MMP26: variants seen among roughly 807,000 people sequenced by gnomAD.
MMP26 encodes matrix metalloproteinase-26.
In MMP26, 33 loss-of-function variants were observed where a neutral mutation model predicts 31.0. That is an observed-to-expected ratio of 1.06 (90% CI 0.81 to 1.42). The LOEUF (loss-of-function observed/expected upper bound fraction) is 1.42. Ranked by LOEUF, MMP26 falls within the 40% of genes most tolerant of loss-of-function variation. MMP26 has a pLI of 0.00. For synonymous variants in MMP26, 122 were observed against 114.9 expected (o/e 1.06, Z -0.40); for missense variants, 347 against 316.1 (o/e 1.10, Z -0.74).
rs192107022 is a variant in MMP26, at chr11:4,977,291, A to T, written c.-144-10777A>T. Among the ~76,000 whole-genome samples, 23 of 152,284 alleles carry T rather than the reference A, an allele frequency of 1.5e-4. No homozygotes were observed. The East Asian group carries it at 4.1e-3, about 27-fold the overall frequency. Reference sequence around the variant, plus strand: ...AAAAGGAAATGGAACTAGTGGAAAGAGAAATTAAATTCCATTCAATTGTTA... The same window carrying T: ...AAAAGGAAATGGAACTAGTGGAAAGTGAAATTAAATTCCATTCAATTGTTA... On this transcript the variant is annotated intron_variant, in intron 2 of 7. Coordinates refer to ENST00000380390, the MANE Select transcript of MMP26 (RefSeq NM_021801.5).
At chr11:4,909,158 C>T (rs1339779186) in intron 2 of MMP26, 1 of 151,996 alleles carries the variant, frequency 6.6e-6, no homozygotes, top group Non-Finnish European at 1.5e-5. Flanking sequence ...AAATCAGCCC[C>T]TCTAATATGT....
chr11:4,705,277 G>GA (rs56694198), intron 1 of MMP26, among the ~76,000 whole-genome samples: 66 of 151,494 alleles, frequency 4.4e-4, no homozygotes, highest in African/African-American at 1.4e-3. Context: ...AGTAAAAAAA[G>GA]AAAAAAAAAT....
At chr11:4,773,687 A>C (rs1390594854) in intron 2 of MMP26, among the ~76,000 whole-genome samples, 2 of 151,432 alleles carry the variant, frequency 1.3e-5, no homozygotes, top group African/African-American at 4.9e-5. Flanking sequence ...TTTGTTACAC[A>C]GGTAAACATG....
chr11:4,821,748 T>C (rs1007132321), intron 2 of MMP26: 1 of 1,614,046 alleles, frequency 6.2e-7, no homozygotes, highest in Non-Finnish European at 8.5e-7. Context: ...TACACGGATT[T>C]ACTTTCATGG....
chr11:4,736,023 C>T (rs1284100658), intron 1 of MMP26, among the ~76,000 whole-genome samples: 2 of 152,096 alleles, frequency 1.3e-5, no homozygotes, highest in South Asian at 2.1e-4. Context: ...TAAATTTCCA[C>T]CAAACTGCAT....
chr11:4,802,945 A>G (rs2133453324), intron 2 of MMP26, among the ~76,000 whole-genome samples: 1 of 152,266 alleles, frequency 6.6e-6, no homozygotes, highest in South Asian at 2.1e-4. Context: ...ATCATTTTAT[A>G]TTTTGTTTTT....
chr11:4,879,549 C>T (rs1850429569), intron 2 of MMP26, among the ~76,000 whole-genome samples: 1 of 152,074 alleles, frequency 6.6e-6, no homozygotes, highest in African/African-American at 2.4e-5. Context: ...ATTTCTGCAA[C>T]TTGCTAACTT....
intron 1 of MMP26, among the ~76,000 whole-genome samples, chr11:4,729,718 C>T (rs1257205102): frequency 2.0e-5 from 3 of 151,072 alleles, no homozygotes; most frequent in Non-Finnish European, 4.4e-5. Context: ...TTTAACCTAA[C>T]AGGTGTGAGC....
intron 2 of MMP26, among the ~76,000 whole-genome samples, chr11:4,926,376 C>T (rs1286577141): frequency 2.0e-5 from 3 of 151,966 alleles, no homozygotes; most frequent in African/African-American, 4.8e-5. Flanking sequence ...GTGATGCAAG[C>T]CCTTATGGGA....
rs539312928 is a variant in MMP26, at chr11:4,954,061, A to T, written c.-144-34007A>T. On this transcript the variant is annotated intron_variant, in intron 2 of 7. Transcript: ENST00000380390. ...AGAGCAAGATTTCGTCTCAAAAAAA[A>T]TTTCTTTATTGATTTAATTGTATTT... Among the ~76,000 whole-genome samples the T allele has an allele frequency of 8.7e-5, 11 of 125,948 alleles. 3 individuals are homozygous for T. The highest frequency in any genetic ancestry group is 8.1e-3 in the Middle Eastern group (2 of 248). 82.6% of individuals were successfully genotyped at this position (125,948 alleles called of 152,430 possible).
At chr11:4,745,266 G>A (rs1480255878) in intron 1 of MMP26, among the ~76,000 whole-genome samples, 3 of 152,086 alleles carry the variant, frequency 2.0e-5, no homozygotes, top group Non-Finnish European at 4.4e-5. Flanking sequence ...TTTAGATTTG[G>A]AATAATAAAC....
Position 4,988,959 on chromosome 11 carries a change from A to C in MMP26, c.99+649A>C, listed in dbSNP as rs550097270. 1.8e-4 allele frequency among the ~76,000 whole-genome samples: 27 copies of C among 151,698 alleles called. 1 individual carries two copies. The South Asian group carries it at 5.6e-3, about 31-fold the overall frequency. ...TGCAGTCATATAATTTAAAAAAAACAGTCAATAGGTTTACGTCAAGTACTC... is the reference window on the plus strand; with the variant it reads ...TGCAGTCATATAATTTAAAAAAAACCGTCAATAGGTTTACGTCAAGTACTC... On this transcript the variant is annotated intron_variant, in intron 3 of 7. Coordinates refer to ENST00000380390, the MANE Select transcript of MMP26 (RefSeq NM_021801.5).
chr11:4,722,599 C>T, intron 1 of MMP26: 1 of 564,680 alleles, frequency 1.8e-6, no homozygotes, highest in South Asian at 2.3e-5. Context: ...ACTAAACTCC[C>T]CCGTGGGTGG....
intron 2 of MMP26, among the ~76,000 whole-genome samples, chr11:4,852,201 T>C (rs960904675): frequency 2.6e-5 from 4 of 151,958 alleles, no homozygotes; most frequent in Admixed American, 2.0e-4. Context: ...CTAAAATACA[T>C]GAACCAAAAC....
chr11:4,769,629 A>G (rs1242336703), intron 2 of MMP26: 3 of 1,602,184 alleles, frequency 1.9e-6, no homozygotes, highest in Non-Finnish European at 2.5e-6. Context: ...ATGCAGCTAT[A>G]TAGACTGATT....
At chr11:4,862,662 A>G (rs895861017) in intron 2 of MMP26, among the ~76,000 whole-genome samples, 2 of 152,186 alleles carry the variant, frequency 1.3e-5, no homozygotes, top group African/African-American at 4.8e-5. Context: ...GAGATCAGGC[A>G]TGCAAGAACA....
intron 2 of MMP26, among the ~76,000 whole-genome samples, chr11:4,935,849 C>G (rs1181201694): frequency 6.6e-6 from 1 of 151,282 alleles, no homozygotes; most frequent in Non-Finnish European, 1.5e-5. Context: ...TGATTTTTGT[C>G]TTTGGCTCTG....
intron 2 of MMP26, among the ~76,000 whole-genome samples, chr11:4,854,779 G>T (rs527393914): frequency 2.0e-5 from 3 of 152,246 alleles, no homozygotes; most frequent in Non-Finnish European, 4.4e-5. Flanking sequence ...GTGGGTCCCT[G>T]ACCCTCGAGT....
At chr11:4,708,326 TCC>T in intron 1 of MMP26, among the ~76,000 whole-genome samples, 1 of 152,342 alleles carries the variant, frequency 6.6e-6, no homozygotes, top group East Asian at 1.9e-4. Flanking sequence ...TGAACATTTT[TCC>T]TTCTTCTCAA....
Sources: allele counts gnomAD v4.1 joint callset (sites outside exome capture counted in the v4.1 genomes callset), GRCh38; gene constraint gnomAD v4.1.1; transcripts MANE v1.5; gene names NCBI Gene and HGNC (gene_info 2026-07-23, HGNC 2026-07-21).